Variants in APOBEC1 observed in about 807,000 individuals in gnomAD.
APOBEC1 encodes the protein apolipoprotein B mRNA editing enzyme catalytic subunit 1, also known as C->U-editing enzyme APOBEC-1.
A neutral mutation model predicts 26.3 loss-of-function variants in APOBEC1; 22 were observed. That is an observed-to-expected ratio of 0.84 (90% CI 0.60 to 1.19). The LOEUF is 1.19. Among genes scored for constraint, APOBEC1 ranks in the 50% most tolerant of loss-of-function variants. The pLI is 0.00. For missense variants in APOBEC1, 253 were observed against 289.0 expected (o/e 0.88, Z 0.90); for synonymous variants, 77 against 95.3 (o/e 0.81, Z 1.12).
At chr12:7,656,345 T>C (rs142616165) in intron 1 of APOBEC1, among the ~76,000 whole-genome samples, 31 of 152,280 alleles carry the variant, frequency 2.0e-4, no homozygotes, top group African/African-American at 6.7e-4. Context: ...TTCAGTTTCC[T>C]GGGGTGCAGT....
intron 1 of APOBEC1, among the ~76,000 whole-genome samples, chr12:7,656,410 C>G (rs1202688157): frequency 6.6e-6 from 1 of 152,076 alleles, no homozygotes; most frequent in African/African-American, 2.4e-5. Flanking sequence ...AGATGGCTCT[C>G]CTGGCCCTTA....
At position 7,654,659 on chromosome 12, in the gene APOBEC1, A is replaced by C. The variant is rs766222114; in HGVS notation, c.17-27T>G. On this transcript the variant is annotated intron_variant, in intron 1 of 4. Transcript: ENST00000229304. ...TGTTGACCAAGATATGATTATGTCAAACAACACTCAAATATCAAATGAGTT... is the reference window on the plus strand; with the variant it reads ...TGTTGACCAAGATATGATTATGTCACACAACACTCAAATATCAAATGAGTT... 16 of 1,612,008 alleles carry C rather than the reference A, an allele frequency of 9.9e-6. No individual in the cohort carries two copies. In the South Asian group the frequency reaches 1.5e-4, roughly 15 times the overall value.
chr12:7,654,454 C>CTTGA, intron 2 of APOBEC1, 151 bp downstream of exon 2: 1 of 717,726 alleles, frequency 1.4e-6, no homozygotes, highest in Non-Finnish European at 2.4e-6. Context: ...TCACTGCAGC[C>CTTGA]TTGACCTCCT....
At chr12:7,650,051 A>T (rs1400773963) in intron 4 of APOBEC1, among the ~76,000 whole-genome samples, 15 of 152,074 alleles carry the variant, frequency 9.9e-5, no homozygotes, top group Non-Finnish European at 1.9e-4. Flanking sequence ...TTCTGGGCTC[A>T]AGCCATCCAC....
At chr12:7,664,764 AG>A (rs1863868784) in intron 1 of APOBEC1, among the ~76,000 whole-genome samples, 1 of 151,944 alleles carries the variant, frequency 6.6e-6, no homozygotes, top group Non-Finnish European at 1.5e-5. Context: ...AAAAATTAGC[AG>A]GGCTGGTGGC....
At chr12:7,661,668 A>C (rs1201411333) in intron 1 of APOBEC1, among the ~76,000 whole-genome samples, 1 of 152,220 alleles carries the variant, frequency 6.6e-6, no homozygotes, top group East Asian at 1.9e-4. Context: ...AAAAAGGACC[A>C]GGCTCCAACT....
intron 1 of APOBEC1, among the ~76,000 whole-genome samples, chr12:7,664,946 T>C (rs900732903): frequency 6.6e-6 from 1 of 151,282 alleles, no homozygotes; most frequent in African/African-American, 2.4e-5. Context: ...GGCTCATGCC[T>C]GTATTCCTAG....
At chr12:7,656,072 A>G (rs529780010) in intron 1 of APOBEC1, among the ~76,000 whole-genome samples, 32 of 152,052 alleles carry the variant, frequency 2.1e-4, no homozygotes, top group Non-Finnish European at 4.1e-4. Context: ...CCTGAGCTCA[A>G]GAGATCCTCC....
At chr12:7,660,367 G>GAAAGAAAAAGAAAGAAAGAAA (rs1565442341) in intron 1 of APOBEC1, among the ~76,000 whole-genome samples, 4 of 16,814 alleles carry the variant, frequency 2.4e-4, no homozygotes, top group Admixed American at 5.1e-4. Flanking sequence ...AAGGAAGGAA[G>GAAAGAAAAAGAAAGAAAGAAA]GAAGGAAGGA....
intron 2 of APOBEC1, among the ~76,000 whole-genome samples, chr12:7,653,962 C>T (rs981432310): frequency 7.2e-5 from 11 of 152,184 alleles, no homozygotes; most frequent in Admixed American, 2.0e-4. Context: ...AAGCTTATTA[C>T]ATCCTAATAG....
chr12:7,657,660 C>T (rs2136846146), intron 1 of APOBEC1, among the ~76,000 whole-genome samples: 1 of 151,886 alleles, frequency 6.6e-6, no homozygotes, highest in African/African-American at 2.4e-5. Context: ...GTCGCTTAAG[C>T]CTAAGATATC....
chr12:7,662,091 AAAACAAAACC>A (rs1220869716), intron 1 of APOBEC1, among the ~76,000 whole-genome samples: 4 of 41,316 alleles, frequency 9.7e-5, no homozygotes, highest in Non-Finnish European at 6.0e-4. Flanking sequence ...AAAACAAAAC[AAAACAAAACC>A]AAACCTTTTT....
upstream of APOBEC1, among the ~76,000 whole-genome samples, chr12:7,670,284 C>T (rs1430925637): frequency 5.0e-5 from 7 of 140,120 alleles, 1 homozygote; most frequent in Admixed American, 4.3e-4. Flanking sequence ...CACACCTGGC[C>T]TTGTCCATTT....
chr12:7,652,584 G>A lies in APOBEC1; in HGVS notation c.296C>T (p.Ala99Val), dbSNP rs750875056. 1.9e-6 allele frequency: 3 copies of A among 1,614,176 alleles called. No homozygotes were observed. The highest frequency in any genetic ancestry group is 2.5e-6 in the Non-Finnish European group (3 of 1,180,038). Residue 99 changes from alanine (A) to valine (V), a missense_variant, in exon 3 of 5, where the codon GCT becomes GTT. Coordinates refer to ENST00000229304, the MANE Select transcript of APOBEC1 (RefSeq NM_001644.5). The part of the protein sequence containing the change: ...SWSPCWECSQ[A>V]IREFLSRHPG... ...GTGCCGACTCAGAAACTCTCTAATA[G>A]CCTGGGAGCATTCCCAGCAGGGACT...
At chr12:7,668,082 T>C (rs1269898905), upstream of APOBEC1, among the ~76,000 whole-genome samples, 2 of 152,130 alleles carry the variant, frequency 1.3e-5, no homozygotes, top group East Asian at 3.8e-4. Flanking sequence ...GGGCACAGTC[T>C]AATCACAGGG....
chr12:7,663,850 A>T (rs1039749626), intron 1 of APOBEC1, among the ~76,000 whole-genome samples: 133 of 149,416 alleles, frequency 8.9e-4, no homozygotes, highest in Non-Finnish European at 1.6e-4. Context: ...ATGCCACTTA[A>T]AAAAGAATTT....
intron 1 of APOBEC1, among the ~76,000 whole-genome samples, chr12:7,662,744 C>T (rs925687866): frequency 6.6e-6 from 1 of 152,078 alleles, no homozygotes; most frequent in Non-Finnish European, 1.5e-5. Context: ...ATGTGGACGT[C>T]GGGGAAGGGG....
chr12:7,659,352 T>TA (rs1863771216), intron 1 of APOBEC1, among the ~76,000 whole-genome samples: 1 of 81,738 alleles, frequency 1.2e-5, no homozygotes, highest in Non-Finnish European at 2.5e-5. Context: ...TATATATATG[T>TA]TTATATTTGA....
At chr12:7,663,644 T>A (rs1188933370) in intron 1 of APOBEC1, among the ~76,000 whole-genome samples, 1 of 152,052 alleles carries the variant, frequency 6.6e-6, no homozygotes, top group Non-Finnish European at 1.5e-5. Flanking sequence ...GAAGCAGCAG[T>A]GAGAAGTTCA....
Sources: allele counts gnomAD v4.1 joint callset (sites outside exome capture counted in the v4.1 genomes callset), GRCh38; gene constraint gnomAD v4.1.1; transcripts MANE v1.5; gene names NCBI Gene and HGNC (gene_info 2026-07-23, HGNC 2026-07-21).